The following BRD9 variants were observed in gnomAD, a reference collection of about 807,000 sequenced individuals.
The protein encoded by BRD9 is bromodomain-containing protein 9.
In BRD9, 47 loss-of-function variants were observed where a neutral mutation model predicts 68.7. That is an observed-to-expected ratio of 0.68 (90% CI 0.54 to 0.87). BRD9 has a LOEUF of 0.87. BRD9 is among the 40% of genes least tolerant of loss of function. The pLI, the probability that BRD9 is intolerant of heterozygous loss-of-function variation, is 0.00. For synonymous variants in BRD9, 313 were observed against 293.9 expected (o/e 1.06, Z -0.67); for missense variants, 670 against 748.4 (o/e 0.90, Z 1.22).
chr5:868,164 A>C (rs994622126), intron 14 of BRD9, among the ~76,000 whole-genome samples: 1 of 152,106 alleles, frequency 6.6e-6, no homozygotes, highest in African/African-American at 2.4e-5. Flanking sequence ...CCGCCATGTG[A>C]AGACATGCAT....
chr5:883,671 G>A, intron 8 of BRD9: 1 of 542,056 alleles, frequency 1.8e-6, no homozygotes, highest in South Asian at 2.1e-5. Flanking sequence ...TTAGCCTGCA[G>A]CAGGGCCTCC....
intron 13 of BRD9, 93 bp downstream of exon 13, chr5:871,433 G>A (rs1236901130): frequency 2.3e-5 from 26 of 1,141,568 alleles, no homozygotes; most frequent in Middle Eastern, 1.9e-4. Flanking sequence ...TCTAAACGCC[G>A]TCATACACAC....
intron 8 of BRD9, chr5:883,321 T>C (rs777340675): frequency 2.2e-6 from 1 of 456,686 alleles, no homozygotes. Context: ...GATATAGAGG[T>C]GAAATGAAAC....
intron 12 of BRD9, among the ~76,000 whole-genome samples, chr5:875,625 G>C (rs1383808321): frequency 6.6e-6 from 1 of 152,144 alleles, no homozygotes; most frequent in Non-Finnish European, 1.5e-5. Context: ...GGGATTACAA[G>C]TGTGAGCCAC....
chr5:871,345 C>A (rs1038166094), intron 13 of BRD9, among the ~76,000 whole-genome samples, 181 bp downstream of exon 13: 1 of 152,228 alleles, frequency 6.6e-6, no homozygotes, highest in African/African-American at 2.4e-5. Flanking sequence ...TGTACTGCGG[C>A]TTCACACCAC....
chr5:869,157 G>A, intron 14 of BRD9: 2 of 361,264 alleles, frequency 5.5e-6, no homozygotes, highest in Middle Eastern at 8.0e-4. Flanking sequence ...CCCATGGACT[G>A]AACGGATTCC....
At chr5:875,696 A>G (rs1750801787) in intron 12 of BRD9, among the ~76,000 whole-genome samples, 1 of 152,176 alleles carries the variant, frequency 6.6e-6, no homozygotes, top group Admixed American at 6.5e-5. Context: ...TTTACAGTAG[A>G]TGGGAAAAAA....
chr5:889,472 G>T, intron 4 of BRD9, 115 bp downstream of exon 4: 2 of 1,160,442 alleles, frequency 1.7e-6, no homozygotes, highest in Non-Finnish European at 1.2e-6. Flanking sequence ...GAGTCACCAA[G>T]AGAAGGTGCA....
At chr5:889,743 C>T (rs375385603) in intron 3 of BRD9, 96 bp from the exon 4 acceptor site, 290 of 1,572,324 alleles carry the variant, frequency 1.8e-4, no homozygotes, top group Non-Finnish European at 2.4e-4. Context: ...TGGTGTCTCA[C>T]AGCATTTTAA....
intron 15 of BRD9, among the ~76,000 whole-genome samples, chr5:865,031 T>G (rs575446235): frequency 6.6e-5 from 10 of 152,020 alleles, no homozygotes; most frequent in Admixed American, 2.0e-4. Context: ...GCCGACAGAG[T>G]GATCCAGTGT....
intron 7 of BRD9, among the ~76,000 whole-genome samples, chr5:885,640 G>C (rs1752440896): frequency 6.6e-6 from 1 of 152,248 alleles, no homozygotes; most frequent in Admixed American, 6.5e-5. Context: ...AGTCCTCTCA[G>C]GATACTGGGA....
chr5:892,002 A>C (rs1753497332), intron 1 of BRD9, 148 bp from the exon 2 acceptor site: 2 of 1,305,184 alleles, frequency 1.5e-6, no homozygotes, highest in African/African-American at 3.0e-5. Context: ...AGGGAAGACC[A>C]CAGTGGCGGC....
intron 3 of BRD9, 39 bp downstream of exon 3, chr5:891,116 C>T (rs1753305006): frequency 7.9e-6 from 12 of 1,520,672 alleles, no homozygotes; most frequent in Non-Finnish European, 1.1e-5. Flanking sequence ...CAACGATGAG[C>T]TGTGAACACC....
chr5:890,557 T>C (rs759695156), intron 3 of BRD9, among the ~76,000 whole-genome samples: 3 of 152,220 alleles, frequency 2.0e-5, no homozygotes, highest in Non-Finnish European at 4.4e-5. Flanking sequence ...CCTTCGCAGA[T>C]GGTGCCCACG....
At chr5:887,939 T>C (rs1010841378) in intron 5 of BRD9, among the ~76,000 whole-genome samples, 1 of 152,230 alleles carries the variant, frequency 6.6e-6, no homozygotes, top group Admixed American at 6.5e-5. Context: ...AAAAAGACTT[T>C]GCCCCACAAA....
intron 15 of BRD9, 60 bp from the exon 16 acceptor site, chr5:864,628 C>T: frequency 6.8e-7 from 1 of 1,477,632 alleles, no homozygotes; most frequent in Non-Finnish European, 9.4e-7. Flanking sequence ...ACACGTGGGG[C>T]TCCTGGAGCC....
rs1749993062 is a variant in BRD9, at chr5:870,562, A to C, written c.1436T>G (p.Leu479Arg). Residue 479 changes from leucine to arginine, a missense_variant, in exon 14 of 16, where the codon CTA (leucine) becomes CGA (arginine). Physicochemically the swap from Leu to Arg is moderately radical, Grantham distance 102. This residue lies in a region of BRD9 where 280 missense variants were observed against 281.5 expected (regional missense o/e 0.99). Coordinates refer to ENST00000467963, the MANE Select transcript of BRD9 (RefSeq NM_023924.5). Reference sequence around the variant, plus strand: ...CAGAACAGAGCTGCTGCTGTCTCCTAGGGTGTCCCCAACCTGTGGAGACAG... The same window carrying C: ...CAGAACAGAGCTGCTGCTGTCTCCTCGGGTGTCCCCAACCTGTGGAGACAG... ...PPDEAKVGDT[L>R]GDSSSSVLEF... 1 of 1,613,784 alleles carries C rather than the reference A, an allele frequency of 6.2e-7. No homozygotes were observed. The highest frequency in any genetic ancestry group is 2.2e-5 in the East Asian group (1 of 44,880).
At chr5:880,578 G>A (rs143625124) in intron 9 of BRD9, among the ~76,000 whole-genome samples, 6,154 of 152,174 alleles carry the variant, frequency 0.04, 186 homozygotes, top group Non-Finnish European at 0.062. Flanking sequence ...CCGCGAGTGC[G>A]TTTCAAACCC....
intron 14 of BRD9, chr5:869,465 G>GT (rs1749826646): frequency 2.4e-6 from 1 of 417,384 alleles, no homozygotes. Context: ...CTGCAAAGCT[G>GT]TATCTTGTGG....
Sources: gnomAD v4.1 joint callset for allele counts (sites outside exome capture counted in the v4.1 genomes callset) on GRCh38, gnomAD v4.1.1 for gene constraint, gnomAD v4.1.1 regional missense constraint, MANE v1.5 for transcripts, NCBI Gene and HGNC (gene_info 2026-07-23, HGNC 2026-07-21) for gene names.